Variants in GRM7 observed in about 807,000 individuals in gnomAD.
The protein encoded by GRM7 is glutamate metabotropic receptor 7.
Under a neutral mutation model 84.5 loss-of-function variants are expected in GRM7, and 35 were observed. The ratio of observed to expected loss-of-function variants is 0.41; its 90% confidence interval spans 0.32 to 0.55. The LOEUF is 0.55. Among genes scored for constraint, GRM7 ranks in the 20% least tolerant of loss-of-function variants. The pLI, the probability that GRM7 is intolerant of heterozygous loss-of-function variation, is 0.19. For missense variants in GRM7, 1,003 were observed against 1,194.6 expected (o/e 0.84, Z 2.36); for synonymous variants, 487 against 455.1 (o/e 1.07, Z -0.89).
chr3:7,276,249 G>GTA (rs879488767), intron 2 of GRM7, among the ~76,000 whole-genome samples: 2,174 of 143,550 alleles, frequency 0.015, 79 homozygotes, highest in African/African-American at 0.054. Context: ...GTGTGTGTGT[G>GTA]TATATATAAT....
chr3:7,659,047 A>G (rs959914760), intron 8 of GRM7, among the ~76,000 whole-genome samples: 2 of 152,210 alleles, frequency 1.3e-5, no homozygotes, highest in Admixed American at 6.5e-5. Flanking sequence ...CTATTTATCA[A>G]CTCAGTAACT....
intron 9 of GRM7, among the ~76,000 whole-genome samples, chr3:7,718,566 T>G (rs1489216995): frequency 6.6e-6 from 1 of 150,960 alleles, no homozygotes; most frequent in Non-Finnish European, 1.5e-5. Context: ...TAGCAGGGAG[T>G]TGGAAATTGA....
In GRM7 at chr3:7,175,287, A is replaced by G. The variant is rs945154674; in HGVS notation, c.736+28619A>G. 2.0e-5 allele frequency among the ~76,000 whole-genome samples: 3 copies of G among 152,230 alleles called. No individual in the cohort carries two copies. The East Asian group carries it at 5.8e-4, about 29-fold the overall frequency. On this transcript the variant is annotated intron_variant, in intron 2 of 9. Transcript: ENST00000357716. ...CAAATACCATAGTCTCCATCCATCA[A>G]CTGAGCACCATCAAGTTTTCAAAGC... is the stretch of plus-strand genomic sequence containing the variant.
chr3:7,390,078 G>C (rs73013671), intron 4 of GRM7, among the ~76,000 whole-genome samples: 9 of 152,156 alleles, frequency 5.9e-5, no homozygotes, highest in Non-Finnish European at 1.3e-4. Context: ...GTGATTGCTT[G>C]TCTGGGAAAT....
chr3:7,501,117 A>G (rs1195503222), intron 7 of GRM7, among the ~76,000 whole-genome samples: 1 of 152,210 alleles, frequency 6.6e-6, no homozygotes, highest in African/African-American at 2.4e-5. Flanking sequence ...ATTATTGAGT[A>G]CCTAAAATAT....
chr3:7,373,071 G>T (rs910571921), intron 4 of GRM7, among the ~76,000 whole-genome samples: 1 of 152,026 alleles, frequency 6.6e-6, no homozygotes, highest in Non-Finnish European at 1.5e-5. Flanking sequence ...AAAATTTGAA[G>T]GCACTCAAAC....
intron 7 of GRM7, among the ~76,000 whole-genome samples, chr3:7,520,512 T>TA (rs3065597): frequency 0.11 from 16,802 of 148,820 alleles, 1,725 homozygotes; most frequent in African/African-American, 0.28. Context: ...CTGAAAAAAA[T>TA]AAAAAAAAAA....
At chr3:7,328,764 A>G (rs554752176) in intron 4 of GRM7, among the ~76,000 whole-genome samples, 4 of 151,870 alleles carry the variant, frequency 2.6e-5, no homozygotes, top group African/African-American at 9.7e-5. Flanking sequence ...TTTCCTAGAC[A>G]TAGCAAATTG....
rs1032516869 is a variant in GRM7 at position 7,422,729 on chromosome 3, C to A, written c.1174+7566C>A. 7.9e-5 allele frequency among the ~76,000 whole-genome samples: 12 copies of A among 152,106 alleles called. 1 individual carries two copies. The highest frequency in any genetic ancestry group is 8.8e-5 in the Non-Finnish European group (6 of 68,018). ...TGGCTTTTAGAACACAAAGGTCAGT[C>A]CTTTATTTATTATTATTATTTTCTT... On this transcript the variant is annotated intron_variant, in intron 5 of 9. Transcript: ENST00000357716.
chr3:6,910,350 G>T (rs1016682459), intron 1 of GRM7, among the ~76,000 whole-genome samples: 1 of 152,100 alleles, frequency 6.6e-6, no homozygotes, highest in African/African-American at 2.4e-5. Context: ...GGCAAATGTA[G>T]TTCAGGCAAT....
At chr3:7,445,288 T>C (rs1271378798) in intron 5 of GRM7, among the ~76,000 whole-genome samples, 1 of 152,116 alleles carries the variant, frequency 6.6e-6, no homozygotes, top group Admixed American at 6.6e-5. Context: ...CTTTTCCCTG[T>C]GTGGATAGGG....
At chr3:7,180,350 T>C (rs1056616933) in intron 2 of GRM7, among the ~76,000 whole-genome samples, 1 of 152,182 alleles carries the variant, frequency 6.6e-6, no homozygotes, top group Non-Finnish European at 1.5e-5. Context: ...CATTCTTAGG[T>C]GCAGGAGGCT....
chr3:7,578,551 G>A lies in GRM7; in HGVS notation c.1645G>A (p.Asp549Asn), dbSNP rs745503447. ...TTGCTGTTGGACCTGTGAGCCTTGC[G>A]ATGGTTACCAGTACCAGTTTGATGA... Reference protein sequence around the residue: ...TPCCWTCEPCDGYQYQFDEMT... With the variant: ...TPCCWTCEPCNGYQYQFDEMT... The change falls in exon 8 of 10, where the codon GAT becomes AAT. Residue 549 changes from aspartate to asparagine, a missense_variant. Physicochemically the swap from Asp to Asn is conservative, Grantham distance 23. Coordinates refer to ENST00000357716, the MANE Select transcript of GRM7 (RefSeq NM_000844.4). The A allele has an allele frequency of 1.8e-5, 29 of 1,614,024 alleles. No individual in the cohort carries two copies. The highest frequency in any genetic ancestry group is 1.6e-4 in the Middle Eastern group (1 of 6,062).
chr3:7,236,702 C>G (rs1179185833), intron 2 of GRM7, among the ~76,000 whole-genome samples: 1 of 152,154 alleles, frequency 6.6e-6, no homozygotes, highest in Non-Finnish European at 1.5e-5. Context: ...TCACCACAAC[C>G]AAGAGCCATC....
At chr3:7,466,864 T>C (rs1002067168) in intron 7 of GRM7, among the ~76,000 whole-genome samples, 1 of 152,186 alleles carries the variant, frequency 6.6e-6, no homozygotes, top group Non-Finnish European at 1.5e-5. Flanking sequence ...TTTTCTCTGT[T>C]AAAACTTACA....
chr3:6,939,937 G>C (rs1697829383), intron 1 of GRM7, among the ~76,000 whole-genome samples: 1 of 152,010 alleles, frequency 6.6e-6, no homozygotes, highest in Non-Finnish European at 1.5e-5. Flanking sequence ...TGCCACACTG[G>C]GGTGAACCAG....
At chr3:7,375,891 C>G (rs1694329984) in intron 4 of GRM7, among the ~76,000 whole-genome samples, 1 of 152,172 alleles carries the variant, frequency 6.6e-6, no homozygotes, top group Non-Finnish European at 1.5e-5. Context: ...TGAACACATG[C>G]TGATGTTGGG....
intron 9 of GRM7, among the ~76,000 whole-genome samples, chr3:7,697,485 A>G (rs1575645676): frequency 6.6e-6 from 1 of 152,196 alleles, no homozygotes; most frequent in East Asian, 1.9e-4. Flanking sequence ...TCTTCATTAA[A>G]GAGCTGTAAT....
chr3:6,971,447 A>G (rs1693756422), intron 1 of GRM7, among the ~76,000 whole-genome samples: 1 of 152,194 alleles, frequency 6.6e-6, no homozygotes, highest in African/African-American at 2.4e-5. Flanking sequence ...TGCAGCTCCT[A>G]TGAACATGGA....
Sources: allele counts gnomAD v4.1 joint callset (sites outside exome capture counted in the v4.1 genomes callset), GRCh38; gene constraint gnomAD v4.1.1; transcripts MANE v1.5; gene names NCBI Gene and HGNC (gene_info 2026-07-23, HGNC 2026-07-21).